Variants in RABGAP1L observed in about 807,000 individuals in gnomAD.
RABGAP1L encodes RAB GTPase activating protein 1 like.
RABGAP1L carries 63 observed loss-of-function variants against 137.7 expected under a neutral mutation model. That is an observed-to-expected ratio of 0.46 (90% CI 0.37 to 0.56). The LOEUF (loss-of-function observed/expected upper bound fraction) is 0.56, where lower values mean the gene tolerates loss of function less well. Among genes scored for constraint, RABGAP1L ranks in the 20% least tolerant of loss-of-function variants. The pLI is 0.00. For missense variants in RABGAP1L, 1,095 were observed against 1,244.0 expected (o/e 0.88, Z 1.80); for synonymous variants, 431 against 433.7 (o/e 0.99, Z 0.08).
intron 13 of RABGAP1L, among the ~76,000 whole-genome samples, chr1:174,596,946 A>G (rs1669985258): frequency 6.6e-6 from 1 of 151,914 alleles, no homozygotes; most frequent in African/African-American, 2.4e-5. Context: ...AATTTTATTG[A>G]ATGGTTTTTT....
At chr1:174,727,745 A>G (rs1682113226) in intron 17 of RABGAP1L, among the ~76,000 whole-genome samples, 1 of 152,256 alleles carries the variant, frequency 6.6e-6, no homozygotes, top group East Asian at 1.9e-4. Flanking sequence ...GCCTGATTTT[A>G]ACATTACACA....
intron 18 of RABGAP1L, among the ~76,000 whole-genome samples, chr1:174,789,928 C>T (rs943141561): frequency 1.3e-5 from 2 of 152,130 alleles, no homozygotes; most frequent in Non-Finnish European, 2.9e-5. Flanking sequence ...ACATAACTGG[C>T]CAGGTGTGGT....
chr1:174,367,894 A>G (rs12564876), intron 11 of RABGAP1L: 13,886 of 154,304 alleles, frequency 0.09, 854 homozygotes, highest in East Asian at 0.22. Flanking sequence ...GTTTTGGAAA[A>G]TTCTGCTTTT....
chr1:174,374,959 T>A (rs1449034920), intron 12 of RABGAP1L, among the ~76,000 whole-genome samples: 1 of 152,206 alleles, frequency 6.6e-6, no homozygotes, highest in Non-Finnish European at 1.5e-5. Context: ...CAGTCTGGGC[T>A]GTTTCATTTA....
chr1:174,618,016 G>T (rs1037525225), intron 13 of RABGAP1L, among the ~76,000 whole-genome samples: 19 of 152,318 alleles, frequency 1.2e-4, no homozygotes, highest in African/African-American at 3.9e-4. Flanking sequence ...GGCTTGGAGG[G>T]TCCTATGCCC....
intron 1 of RABGAP1L, among the ~76,000 whole-genome samples, chr1:174,215,162 A>C (rs1669195765): frequency 6.6e-6 from 1 of 152,146 alleles, no homozygotes; most frequent in African/African-American, 2.4e-5. Flanking sequence ...AATCTAATTA[A>C]AAATCTAATT....
At chr1:174,669,548 A>T (rs780822978) in intron 14 of RABGAP1L, among the ~76,000 whole-genome samples, 15 of 152,208 alleles carry the variant, frequency 9.9e-5, no homozygotes, top group Non-Finnish European at 1.9e-4. Flanking sequence ...ATATCCAAAA[A>T]ATCATTGCCC....
intron 19 of RABGAP1L, among the ~76,000 whole-genome samples, chr1:174,930,491 A>AT (rs1663612174): frequency 6.6e-6 from 1 of 151,558 alleles, no homozygotes; most frequent in Non-Finnish European, 1.5e-5. Flanking sequence ...CTAATTTTTT[A>AT]TTTTTTGTAG....
chr1:174,952,774 A>T (rs1234421726), intron 19 of RABGAP1L, among the ~76,000 whole-genome samples: 1 of 151,924 alleles, frequency 6.6e-6, no homozygotes, highest in Admixed American at 6.6e-5. Flanking sequence ...ATGTTTTGTA[A>T]ACACAGGTTT....
intron 17 of RABGAP1L, among the ~76,000 whole-genome samples, chr1:174,713,186 C>T (rs1321936163): frequency 1.3e-5 from 2 of 152,154 alleles, no homozygotes; most frequent in African/African-American, 4.8e-5. Flanking sequence ...AGATTAGAAG[C>T]TTTATATATA....
intron 17 of RABGAP1L, among the ~76,000 whole-genome samples, chr1:174,713,345 A>G (rs1428162496): frequency 1.3e-5 from 2 of 152,164 alleles, no homozygotes; most frequent in Admixed American, 6.5e-5. Flanking sequence ...GAAAAATATT[A>G]TTGCAGTCTG....
At chr1:174,654,295 C>T (rs1396579271) in intron 14 of RABGAP1L, among the ~76,000 whole-genome samples, 2 of 152,060 alleles carry the variant, frequency 1.3e-5, no homozygotes, top group Admixed American at 6.6e-5. Context: ...GTTGGGCCCT[C>T]GTTCAATTAC....
chr1:174,549,888 C>T (rs1448921872), intron 13 of RABGAP1L, among the ~76,000 whole-genome samples: 2 of 152,048 alleles, frequency 1.3e-5, no homozygotes, highest in Non-Finnish European at 2.9e-5. Context: ...TGAGAGTAAG[C>T]CAGGTGCAGT....
At chr1:174,916,211 T>C (rs1466313605) in intron 19 of RABGAP1L, among the ~76,000 whole-genome samples, 1 of 152,144 alleles carries the variant, frequency 6.6e-6, no homozygotes, top group Non-Finnish European at 1.5e-5. Context: ...CTGGCAACTT[T>C]GTTGAAAGTC....
intron 1 of RABGAP1L, among the ~76,000 whole-genome samples, chr1:174,181,539 G>A (rs977320487): frequency 2.0e-5 from 3 of 151,920 alleles, no homozygotes; most frequent in Admixed American, 6.6e-5. Flanking sequence ...GGGTTTCACC[G>A]TGTTAGCCAG....
chr1:174,413,799 G>C (rs1031164443), intron 13 of RABGAP1L, among the ~76,000 whole-genome samples: 10 of 152,106 alleles, frequency 6.6e-5, no homozygotes, highest in African/African-American at 2.4e-4. Flanking sequence ...CAAGCCAGTA[G>C]ATGACGCTAG....
chr1:174,741,245 G>A (rs1428958040), intron 17 of RABGAP1L, among the ~76,000 whole-genome samples: 1 of 151,908 alleles, frequency 6.6e-6, no homozygotes, highest in African/African-American at 2.4e-5. Flanking sequence ...TCTACTTTGA[G>A]TTCATTTTTG....
chr1:174,844,261 G>T (rs1185791075), intron 19 of RABGAP1L, among the ~76,000 whole-genome samples: 10 of 120,236 alleles, frequency 8.3e-5, no homozygotes, highest in Admixed American at 7.2e-4. Flanking sequence ...GGCTTTTGTT[G>T]CCATTGCTTT....
chr1:174,647,162 A>G (rs1675038436), intron 14 of RABGAP1L, among the ~76,000 whole-genome samples: 1 of 152,080 alleles, frequency 6.6e-6, no homozygotes, highest in Non-Finnish European at 1.5e-5. Flanking sequence ...AACAGAGAAA[A>G]TTTGACTTCC....
Sources: allele counts gnomAD v4.1 joint callset (sites outside exome capture counted in the v4.1 genomes callset), GRCh38; gene constraint gnomAD v4.1.1; transcripts MANE v1.5; gene names NCBI Gene and HGNC (gene_info 2026-07-23, HGNC 2026-07-21).